CRYBG2: variants seen among roughly 807,000 people sequenced by gnomAD.
The protein encoded by CRYBG2 is beta/gamma crystallin domain-containing protein 2.
In CRYBG2, 106 loss-of-function variants were observed where a neutral mutation model predicts 153.4. That is an observed-to-expected ratio of 0.69 (90% CI 0.59 to 0.81). CRYBG2 has a LOEUF of 0.81. CRYBG2 is among the 30% of genes least tolerant of loss of function. The probability of loss-of-function intolerance (pLI) is 0.00; values close to 1 mark genes in which losing one functional copy is unlikely to be tolerated. For missense variants in CRYBG2, 1,996 were observed against 2,112.0 expected (o/e 0.95, Z 1.08); for synonymous variants, 851 against 877.8 (o/e 0.97, Z 0.54).
chr1:26,344,557 C>A lies in CRYBG2; in HGVS notation c.2101G>T (p.Asp701Tyr). The A allele has an allele frequency of 6.5e-7, 1 of 1,542,186 alleles. No individual in the cohort carries two copies. The highest frequency in any genetic ancestry group is 8.7e-7 in the Non-Finnish European group (1 of 1,146,912). ...GATGGGGCAGGGAGAGCATCAGGGTCCTGCACAACCTCTTTCTGGGTGAGA... is the reference window on the plus strand; with the variant it reads ...GATGGGGCAGGGAGAGCATCAGGGTACTGCACAACCTCTTTCTGGGTGAGA... Reference protein sequence around the residue: ...SSLTQKEVVQDPDALPAPSSS... With the variant: ...SSLTQKEVVQYPDALPAPSSS... Residue 701 changes from aspartate (D) to tyrosine (Y), a missense_variant, in exon 2 of 20, where the codon GAC becomes TAC. Physicochemically the swap from Asp to Tyr is radical, Grantham distance 160. Transcript: ENST00000308182.
intron 14 of CRYBG2, among the ~76,000 whole-genome samples, chr1:26,335,250 G>A (rs1163159092): frequency 6.7e-6 from 1 of 148,320 alleles, no homozygotes; most frequent in Non-Finnish European, 1.5e-5. Context: ...GCCGAGGTGG[G>A]CGGATCACCT....
Position 26,345,502 on chromosome 1 carries a change from G to A in CRYBG2, c.1156C>T (p.Leu386Phe), listed in dbSNP as rs1234985752. ...PTHPGARLTP[L>F]VLPPKKKDGP... The stretch of plus-strand genomic sequence containing the variant: ...TCCTTTTTTTTAGGGGGCAGAACAA[G>A]GGGAGTGAGCCGGGCCCCGGGGTGA... The change falls in exon 2 of 20, where the codon CTT becomes TTT. Residue 386 changes from leucine to phenylalanine, a missense_variant. Coordinates refer to ENST00000308182, the MANE Select transcript of CRYBG2 (RefSeq NM_001039775.4). The A allele has an allele frequency of 3.1e-6, 5 of 1,594,448 alleles. No individual in the cohort carries two copies. Among genetic ancestry groups the A allele is most frequent in the Non-Finnish European group, 4.3e-6 (5 of 1,169,242 alleles).
At position 26,346,575 on chromosome 1, in the gene CRYBG2, G is replaced by T; in HGVS notation, c.83C>A (p.Thr28Asn). 3 of 1,602,918 alleles carry T rather than the reference G, an allele frequency of 1.9e-6. No homozygotes were observed. Among genetic ancestry groups the T allele is most frequent in the Non-Finnish European group, 2.6e-6 (3 of 1,174,982 alleles). ...AAAACCATGTTTGATCTCTTCCTGG[G>T]TGGGGGGCCGCTGCCGCCATGTCAA... The part of the protein sequence containing the change: ...ATLTWRQRPP[T>N]QEEIKHGFHK... Residue 28 changes from threonine (T) to asparagine (N), a missense_variant, in exon 2 of 20, where the codon ACC becomes AAC. Physicochemically the swap from Thr to Asn is moderately conservative, Grantham distance 65. Coordinates refer to ENST00000308182, the MANE Select transcript of CRYBG2 (RefSeq NM_001039775.4). The surrounding 1 kb of genome is among the most constrained non-coding windows in gnomAD (Gnocchi z 4.9).
rs2074228529 is a variant in CRYBG2, at chr1:26,346,791, A to T, written c.-55-79T>A. 2 of 962,996 alleles carry T rather than the reference A, an allele frequency of 2.1e-6. No individual in the cohort carries two copies. Among genetic ancestry groups the T allele is most frequent in the African/African-American group, 3.3e-5 (2 of 60,790 alleles). 59.7% of individuals were successfully genotyped at this position (962,996 alleles called of 1,614,324 possible). A position where few individuals can be genotyped will look rare whatever the true frequency, so the allele number is the denominator to read the frequency against. ...AAGTGCAGAATAACCACCCCTACCC[A>T]AGTCAGGCTGGGAACCTCAGGCAAA... On this transcript the variant is annotated intron_variant, in intron 1 of 19. Transcript: ENST00000308182. The surrounding 1 kb of genome is among the most constrained non-coding windows in gnomAD (Gnocchi z 4.9).
intron 14 of CRYBG2, among the ~76,000 whole-genome samples, chr1:26,335,170 A>G (rs2074039709): frequency 6.6e-6 from 1 of 152,062 alleles, no homozygotes; most frequent in East Asian, 1.9e-4. Flanking sequence ...TATTATATCA[A>G]GAAAGTTATC....
chr1:26,331,458 G>A, intron 15 of CRYBG2, 31 bp downstream of exon 15: 1 of 1,597,368 alleles, frequency 6.3e-7, no homozygotes, highest in Non-Finnish European at 8.6e-7. Context: ...TCTGCTTCCG[G>A]GATTGCCTGG....
chr1:26,321,908 C>T lies in CRYBG2; in HGVS notation c.*60G>A. On this transcript the variant is annotated 3_prime_UTR_variant, in exon 20 of 20. Transcript: ENST00000308182. ...AAAATAGCTTATGTTACAACAAAAA[C>T]CCTATAAAAACATTCATCCCAGCAA... 2 of 1,385,386 alleles carry T rather than the reference C, an allele frequency of 1.4e-6. No homozygotes were observed. The highest frequency in any genetic ancestry group is 1.5e-5 in the South Asian group (1 of 68,448). The allele number at this position is 1,385,386 out of a possible 1,614,324, so 85.8% of individuals were successfully genotyped here. A position where few individuals can be genotyped will look rare whatever the true frequency, so the allele number is the denominator to read the frequency against.
At chr1:26,331,686 G>C in intron 14 of CRYBG2, 68 bp from the exon 15 acceptor site, 1 of 1,583,980 alleles carries the variant, frequency 6.3e-7, no homozygotes, top group Non-Finnish European at 8.6e-7. Context: ...GTTCCCCTGA[G>C]ATACAGAAGA....
At chr1:26,340,815 T>A (rs1400581467) in intron 5 of CRYBG2, among the ~76,000 whole-genome samples, 2 of 151,724 alleles carry the variant, frequency 1.3e-5, no homozygotes, top group Non-Finnish European at 2.9e-5. Flanking sequence ...CAGGGTTTCA[T>A]CAGGTTGGCC....
At chr1:26,324,502 TCTCACA>T (rs67864853) in intron 17 of CRYBG2, among the ~76,000 whole-genome samples, 192 bp from the exon 18 acceptor site, 35,326 of 117,548 alleles carry the variant, frequency 0.3, 4,350 homozygotes, top group Non-Finnish European at 0.36. Context: ...TCTCTCTCTC[TCTCACA>T]CACACACACA....
Position 26,322,043 on chromosome 1 carries a change from G to A in CRYBG2, c.4911C>T (p.Tyr1637=), listed in dbSNP as rs11810112. The A allele has an allele frequency of 3.0e-3, 4,783 of 1,606,518 alleles. 136 individuals carry two copies. In the African/African-American group the frequency reaches 0.057, roughly 19 times the overall value. ...QILDVKGGRG[Y]DRDHVVLWEP... The stretch of plus-strand genomic sequence containing the variant: ...CCCATAGCACCACGTGGTCCCGGTC[G>A]TAGCCCCGGCCTCCTGGGGGTGGGA... The change falls in exon 20 of 20, where the codon TAC becomes TAT. Residue 1637 remains tyrosine (Y), a synonymous_variant. Transcript: ENST00000308182.
intron 10 of CRYBG2, 90 bp downstream of exon 10, chr1:26,337,163 G>C: frequency 2.5e-6 from 4 of 1,578,940 alleles, no homozygotes; most frequent in South Asian, 1.2e-5. Flanking sequence ...AACACGGAGA[G>C]GGGGTACAAA....
At chr1:26,328,691 C>T (rs1338457990) in intron 16 of CRYBG2, 43 bp downstream of exon 16, 1 of 1,586,162 alleles carries the variant, frequency 6.3e-7, no homozygotes, top group Non-Finnish European at 8.6e-7. Flanking sequence ...ATGACTCATC[C>T]CCACCAGCAG....
intron 17 of CRYBG2, among the ~76,000 whole-genome samples, chr1:26,324,514 A>T (rs911213025): frequency 2.7e-5 from 4 of 150,274 alleles, no homozygotes; most frequent in African/African-American, 1.0e-4. Flanking sequence ...TCACACACAC[A>T]CACACACACA....
rs1456905309 is a variant in CRYBG2 at position 26,327,945 on chromosome 1, A to ACG, written c.4578+263_4578+264insCG. Among the ~76,000 whole-genome samples the ACG allele has an allele frequency of 6.0e-5, 8 of 134,104 alleles. No homozygotes were observed. In the South Asian group the frequency reaches 1.4e-3, roughly 23 times the overall value. The allele number at this position is 134,104 out of a possible 152,430, so 88.0% of individuals were successfully genotyped here. ...CTTTGTGGCAGAGCAAGACTCTGTC[A>ACG]CACAAAAAAAAAAAAGAAAAAGAAA... On this transcript the variant is annotated intron_variant, in intron 17 of 19. Transcript: ENST00000308182.
rs1484997812 is a variant in CRYBG2 at position 26,346,554 on chromosome 1, C to T, written c.104G>A (p.Gly35Asp). 1.2e-6 allele frequency: 2 copies of T among 1,611,498 alleles called. No individual in the cohort carries two copies. The highest frequency in any genetic ancestry group is 2.2e-5 in the East Asian group (1 of 44,820). The change falls in exon 2 of 20, where the codon GGT becomes GAT. Residue 35 changes from glycine (G) to aspartate (D), a missense_variant. Coordinates refer to ENST00000308182, the MANE Select transcript of CRYBG2 (RefSeq NM_001039775.4). The surrounding 1 kb of genome is among the most constrained non-coding windows in gnomAD (Gnocchi z 4.9). ...RPPTQEEIKH[G>D]FHKVSLVSGA... ...TGACACCAGGGACACCTTGTGAAAACCATGTTTGATCTCTTCCTGGGTGGG... is the reference window on the plus strand; with the variant it reads ...TGACACCAGGGACACCTTGTGAAAATCATGTTTGATCTCTTCCTGGGTGGG...
intron 17 of CRYBG2, chr1:26,326,725 C>T (rs1416511826): frequency 1.7e-5 from 6 of 357,292 alleles, no homozygotes; most frequent in South Asian, 4.1e-5. Context: ...GGCTTTCCTA[C>T]GGTACAGCCT....
intron 1 of CRYBG2, among the ~76,000 whole-genome samples, chr1:26,351,284 C>A (rs1391438731): frequency 1.3e-5 from 2 of 152,180 alleles, no homozygotes; most frequent in East Asian, 3.9e-4. Flanking sequence ...AAGTTTGACG[C>A]CCTCGCTGAG....
Position 26,345,393 on chromosome 1 carries a change from G to A in CRYBG2, c.1265C>T (p.Pro422Leu). The A allele has an allele frequency of 6.2e-7, 1 of 1,612,836 alleles. No individual in the cohort carries two copies. Among genetic ancestry groups the A allele is most frequent in the Non-Finnish European group, 8.5e-7 (1 of 1,179,612 alleles). ...GACATCCTTCCTTCTTGTAGTGGAT[G>A]GAGCAGGAGGTTGTCCAGGGACTGT... is the stretch of plus-strand genomic sequence containing the variant. ...HVTVPGQPPA[P>L]STTRRKDVPS... Residue 422 changes from proline to leucine, a missense_variant, in exon 2 of 20, where the codon CCA becomes CTA. By Grantham distance (98) the Pro-to-Leu change is moderately conservative. Transcript: ENST00000308182.
Sources: allele counts gnomAD v4.1 joint callset (sites outside exome capture counted in the v4.1 genomes callset), GRCh38; gene constraint gnomAD v4.1.1; non-coding constraint Gnocchi (gnomAD v3.1); transcripts MANE v1.5; gene names NCBI Gene and HGNC (gene_info 2026-07-23, HGNC 2026-07-21).